The following PRDM14 variants were observed in gnomAD, a reference collection of about 807,000 sequenced individuals.
PRDM14 encodes PR domain zinc finger protein 14.
PRDM14 carries 16 observed loss-of-function variants against 48.0 expected under a neutral mutation model. That is an observed-to-expected ratio of 0.33 (90% CI 0.23 to 0.51). The LOEUF (loss-of-function observed/expected upper bound fraction) is 0.51. PRDM14 is among the 20% of genes least tolerant of loss of function. The probability of loss-of-function intolerance (pLI) is 0.97; values close to 1 mark genes in which losing one functional copy is unlikely to be tolerated. For missense variants in PRDM14, 566 were observed against 719.6 expected, an observed-to-expected ratio of 0.79 and a Z score of 2.44; for synonymous variants, 264 against 276.6, an observed-to-expected ratio of 0.95 and a Z score of 0.45.
chr8:70,059,576 A>G (rs1467708286), intron 5 of PRDM14, among the ~76,000 whole-genome samples: 1 of 152,128 alleles, frequency 6.6e-6, no homozygotes, highest in East Asian at 1.9e-4. Flanking sequence ...GGCCGCCAAG[A>G]GAATTTTTAA....
At chr8:70,056,816 CAAAAAAAAA>C (rs761330044) in intron 6 of PRDM14, among the ~76,000 whole-genome samples, 1 of 75,382 alleles carries the variant, frequency 1.3e-5, no homozygotes, top group South Asian at 5.7e-4. Context: ...GAGACTGTCT[CAAAAAAAAA>C]AAAAAAAAAA....
chr8:70,056,780 T>C (rs1045392744), intron 6 of PRDM14, among the ~76,000 whole-genome samples: 1 of 147,322 alleles, frequency 6.8e-6, no homozygotes, highest in African/African-American at 2.5e-5. Context: ...GATCATGCCA[T>C]TGTACTCTAG....
At chr8:70,054,121 C>T (rs758200491) in intron 7 of PRDM14, among the ~76,000 whole-genome samples, 7 of 152,302 alleles carry the variant, frequency 4.6e-5, no homozygotes, top group Non-Finnish European at 1.0e-4. Context: ...ATGTCTAAAG[C>T]GTGGTCAACC....
intron 7 of PRDM14, 61 bp downstream of exon 7, chr8:70,055,239 C>T: frequency 1.3e-5 from 12 of 928,868 alleles, no homozygotes; most frequent in Non-Finnish European, 2.0e-5. Flanking sequence ...GTTTCAAGTT[C>T]TTATCCATAG....
At chr8:70,061,828 C>T (rs1805586048) in intron 5 of PRDM14, among the ~76,000 whole-genome samples, 1 of 152,096 alleles carries the variant, frequency 6.6e-6, no homozygotes, top group African/African-American at 2.4e-5. Context: ...TTCACACCTC[C>T]ACACCCCAAA....
intron 5 of PRDM14, among the ~76,000 whole-genome samples, chr8:70,062,040 C>G (rs1284376710): frequency 1.3e-5 from 2 of 152,160 alleles, no homozygotes; most frequent in Non-Finnish European, 2.9e-5. Context: ...TTTTTCTTTC[C>G]TTTTTATCAC....
intron 5 of PRDM14, among the ~76,000 whole-genome samples, chr8:70,063,667 C>A (rs1805621042): frequency 6.6e-6 from 1 of 151,850 alleles, no homozygotes; most frequent in East Asian, 2.0e-4. Context: ...GGATTACAGG[C>A]ATGCACCACC....
chr8:70,066,105 A>C, intron 5 of PRDM14, 130 bp downstream of exon 5: 8 of 1,009,920 alleles, frequency 7.9e-6, no homozygotes, highest in African/African-American at 1.6e-5. Flanking sequence ...CCCCCTGGTT[A>C]GAGACACTCT....
chr8:70,068,714 A>T (rs1393446437), intron 2 of PRDM14, among the ~76,000 whole-genome samples, 182 bp from the exon 3 acceptor site: 1 of 152,152 alleles, frequency 6.6e-6, no homozygotes, highest in Non-Finnish European at 1.5e-5. Context: ...ACTGTAAACA[A>T]TTCCATATAC....
intron 5 of PRDM14, among the ~76,000 whole-genome samples, chr8:70,065,181 C>T (rs910928421): frequency 7.2e-5 from 11 of 152,006 alleles, no homozygotes; most frequent in South Asian, 2.1e-4. Context: ...CCACTGTGCC[C>T]GACCTGAGAT....
rs1259100232 is a variant in PRDM14 at position 70,052,005 on chromosome 8, C to G, written c.*72G>C. 9.3e-7 allele frequency: 1 copy of G among 1,071,198 alleles called. No homozygotes were observed. The highest frequency in any genetic ancestry group is 2.4e-5 in the East Asian group (1 of 41,606). 66.4% of individuals were successfully genotyped at this position (1,071,198 alleles called of 1,614,324 possible). On this transcript the variant is annotated 3_prime_UTR_variant, in exon 8 of 8. Coordinates refer to ENST00000276594, the MANE Select transcript of PRDM14 (RefSeq NM_024504.4). ...CCCAGGCTGGTCTCGAACTCCTGGA[C>G]TTGAGTGATCCACCCACCTCTGCCT...
chr8:70,055,217 A>G, intron 7 of PRDM14, 83 bp downstream of exon 7: 2 of 744,096 alleles, frequency 2.7e-6, no homozygotes, highest in Non-Finnish European at 2.3e-6. Context: ...AGAACTCATT[A>G]AGCCAGGCTT....
rs1207195171 is a variant in PRDM14, at chr8:70,066,507, TA to T, written c.913-3del. ...GCTCAAATGACCATCTTCAAAGATCTAAATGAAATAAGACATGAAGTTTGTA... is the reference window on the plus strand; with the variant it reads ...GCTCAAATGACCATCTTCAAAGATCTAATGAAATAAGACATGAAGTTTGTA... On this transcript the variant is annotated splice_region_variant and splice_polypyrimidine_tract_variant and intron_variant, in intron 4 of 7. Transcript: ENST00000276594. 1 of 1,609,918 alleles carries T rather than the reference TA, an allele frequency of 6.2e-7. No homozygotes were observed. The highest frequency in any genetic ancestry group is 8.5e-7 in the Non-Finnish European group (1 of 1,177,866).
chr8:70,064,918 A>G (rs71523168), intron 5 of PRDM14, among the ~76,000 whole-genome samples: 16,866 of 124,228 alleles, frequency 0.14, 1,623 homozygotes, highest in East Asian at 0.37. Context: ...ACGGAGTCTT[A>G]CTCTGTTGCC....
intron 5 of PRDM14, among the ~76,000 whole-genome samples, chr8:70,059,778 T>C (rs567394585): frequency 1.7e-3 from 265 of 152,280 alleles, no homozygotes; most frequent in Non-Finnish European, 3.3e-3. Flanking sequence ...CCGTAATCTT[T>C]AGAAGATGAC....
At position 70,069,811 on chromosome 8, in the gene PRDM14, T is replaced by C. The variant is rs1191533210; in HGVS notation, c.50A>G (p.Tyr17Cys). Residue 17 changes from tyrosine to cysteine, a missense_variant, in exon 2 of 8, where the codon TAC (tyrosine) becomes TGC (cysteine). Coordinates refer to ENST00000276594, the MANE Select transcript of PRDM14 (RefSeq NM_024504.4). Reference sequence around the variant, plus strand: ...GTTCTGCGGGCTGCTCTCCGGCGGGTAGCACACCTTGTCCTGAGGCACGGC... The same window carrying C: ...GTTCTGCGGGCTGCTCTCCGGCGGGCAGCACACCTTGTCCTGAGGCACGGC... ...SEAVPQDKVC[Y>C]PPESSPQNLA... 6.2e-7 allele frequency: 1 copy of C among 1,609,238 alleles called. No homozygotes were observed. Among genetic ancestry groups the C allele is most frequent in the African/African-American group, 1.3e-5 (1 of 74,918 alleles).
intron 5 of PRDM14, among the ~76,000 whole-genome samples, chr8:70,060,093 C>CAAA (rs58440571): frequency 1.9e-5 from 2 of 102,616 alleles, no homozygotes; most frequent in East Asian, 2.9e-4. Flanking sequence ...AACTCCATCT[C>CAAA]AAAAAAAAAA....
chr8:70,051,984 G>T lies in PRDM14; in HGVS notation c.*93C>A. 1 of 825,678 alleles carries T rather than the reference G, an allele frequency of 1.2e-6. No individual in the cohort carries two copies. The highest frequency in any genetic ancestry group is 1.9e-6 in the Non-Finnish European group (1 of 514,356). 51.1% of individuals were successfully genotyped at this position (825,678 alleles called of 1,614,324 possible). ...AGACAGGATTTCACCATGTTGCCCA[G>T]GCTGGTCTCGAACTCCTGGACTTGA... On this transcript the variant is annotated 3_prime_UTR_variant, in exon 8 of 8. Coordinates refer to ENST00000276594, the MANE Select transcript of PRDM14 (RefSeq NM_024504.4).
At chr8:70,070,697 C>T (rs1365115267) in intron 1 of PRDM14, among the ~76,000 whole-genome samples, 2 of 152,224 alleles carry the variant, frequency 1.3e-5, no homozygotes, top group Non-Finnish European at 2.9e-5. Context: ...CCCTCGGGAG[C>T]CGCGTGGACG....
Sources: gnomAD v4.1 joint callset for allele counts (sites outside exome capture counted in the v4.1 genomes callset) on GRCh38, gnomAD v4.1.1 for gene constraint, MANE v1.5 for transcripts, NCBI Gene and HGNC (gene_info 2026-07-23, HGNC 2026-07-21) for gene names.